The following ATP8A1 variants were observed in gnomAD, a reference collection of about 807,000 sequenced individuals.
The protein encoded by ATP8A1 is phospholipid-transporting ATPase IA.
A neutral mutation model predicts 177.7 loss-of-function variants in ATP8A1; 90 were observed. The observed-to-expected ratio is 0.51, with a 90% CI of 0.43 to 0.60. The LOEUF (loss-of-function observed/expected upper bound fraction) is 0.60, where lower values mean the gene tolerates loss of function less well. ATP8A1 is among the 20% of genes least tolerant of loss of function. ATP8A1 has a pLI of 0.00. For missense variants in ATP8A1, 1,072 were observed against 1,392.8 expected (o/e 0.77, Z 3.67); for synonymous variants, 493 against 485.9 (o/e 1.01, Z -0.19).
intron 16 of ATP8A1, among the ~76,000 whole-genome samples, chr4:42,554,795 T>A (rs1729884986): frequency 6.6e-6 from 1 of 151,716 alleles, no homozygotes; most frequent in African/African-American, 2.4e-5. Flanking sequence ...TCTGTGAGGG[T>A]GCTGCCAAAG....
chr4:42,522,248 T>G lies in ATP8A1; in HGVS notation c.1859A>C (p.Gln620Pro). ...AVAEISESDFQEWRAVYQRAS... is the reference protein window; with the variant it reads ...AVAEISESDFPEWRAVYQRAS... Reference sequence around the variant, plus strand: ...TCGCTGATAGACTGCTCGCCACTCCTGAAAGTCGCTCTCTGAAATCTCAGC... The same window carrying G: ...TCGCTGATAGACTGCTCGCCACTCCGGAAAGTCGCTCTCTGAAATCTCAGC... The change falls in exon 22 of 37, where the codon CAG becomes CCG. Residue 620 changes from glutamine (Q) to proline (P), a missense_variant. By Grantham distance (76) the Gln-to-Pro change is moderately conservative. Coordinates refer to ENST00000381668, the MANE Select transcript of ATP8A1 (RefSeq NM_006095.2). 6.2e-7 allele frequency: 1 copy of G among 1,613,788 alleles called. No individual in the cohort carries two copies. Among genetic ancestry groups the G allele is most frequent in the Non-Finnish European group, 8.5e-7 (1 of 1,179,894 alleles).
chr4:42,432,137 C>T lies in ATP8A1; in HGVS notation c.3124-8432G>A, dbSNP rs549787775. ...AATAGGCTCTTTTCTCCTCCACTTC[C>T]TTTTCTCAGTCACCCAATCTCAGTG... On this transcript the variant is annotated intron_variant, in intron 33 of 36. Transcript: ENST00000381668. Among the ~76,000 whole-genome samples the T allele has an allele frequency of 9.9e-5, 15 of 152,268 alleles. No individual in the cohort carries two copies. In the South Asian group the frequency reaches 2.9e-3, roughly 29 times the overall value.
At chr4:42,653,650 A>T (rs976277853) in intron 1 of ATP8A1, among the ~76,000 whole-genome samples, 9 of 152,216 alleles carry the variant, frequency 5.9e-5, no homozygotes, top group African/African-American at 2.2e-4. Flanking sequence ...TCCCTCCCTT[A>T]TAACGATGTG....
intron 15 of ATP8A1, among the ~76,000 whole-genome samples, chr4:42,564,922 A>G (rs1731204948): frequency 6.6e-6 from 1 of 152,130 alleles, no homozygotes; most frequent in African/African-American, 2.4e-5. Flanking sequence ...TAATTGAATC[A>G]TGGGGACAGG....
At chr4:42,634,644 T>A (rs748843962) in intron 1 of ATP8A1, among the ~76,000 whole-genome samples, 55 of 152,182 alleles carry the variant, frequency 3.6e-4, no homozygotes, top group Non-Finnish European at 7.4e-4. Context: ...TTAGACAAGA[T>A]AATTAACCTT....
chr4:42,635,376 T>G (rs944990762), intron 1 of ATP8A1, among the ~76,000 whole-genome samples: 2 of 152,074 alleles, frequency 1.3e-5, no homozygotes, highest in African/African-American at 2.4e-5. Context: ...CCTAAACATA[T>G]TTAGGAGAGT....
intron 19 of ATP8A1, 72 bp from the exon 20 acceptor site, chr4:42,544,058 C>T (rs1728657746): frequency 1.6e-6 from 2 of 1,231,766 alleles, no homozygotes; most frequent in Non-Finnish European, 2.4e-6. Flanking sequence ...TCATGCCTCA[C>T]ATATTTTGAT....
rs777712313 is a variant in ATP8A1, at chr4:42,581,017, GTAA to G, written c.834+601_834+603del. ...TCACTTATCATGACATGGACGACTTGTAATAATCACTATAATAGTTAGTAAATG... is the reference window on the plus strand; with the variant it reads ...TCACTTATCATGACATGGACGACTTGTAATCACTATAATAGTTAGTAAATG... On this transcript the variant is annotated intron_variant, in intron 10 of 36. Transcript: ENST00000381668. Among the ~76,000 whole-genome samples, 6 of 152,320 alleles carry G rather than the reference GTAA, an allele frequency of 3.9e-5. No homozygotes were observed. The East Asian group carries it at 5.8e-4, about 15-fold the overall frequency.
intron 24 of ATP8A1, among the ~76,000 whole-genome samples, chr4:42,500,571 A>T (rs1723760059): frequency 6.9e-6 from 1 of 144,062 alleles, no homozygotes; most frequent in South Asian, 2.4e-4. Flanking sequence ...TATCCATGAA[A>T]TTTTTTTCTA....
chr4:42,420,665 A>AAATG (rs1713799641), intron 35 of ATP8A1, among the ~76,000 whole-genome samples: 1 of 152,218 alleles, frequency 6.6e-6, no homozygotes, highest in Non-Finnish European at 1.5e-5. Flanking sequence ...TAACATACTT[A>AAATG]CAAATCTGGA....
At chr4:42,432,965 T>C (rs1467556676) in intron 33 of ATP8A1, among the ~76,000 whole-genome samples, 2 of 152,248 alleles carry the variant, frequency 1.3e-5, no homozygotes, top group African/African-American at 2.4e-5. Context: ...ATAGCATTTA[T>C]CACTTCCTCT....
At chr4:42,634,305 T>A (rs144034468) in intron 1 of ATP8A1, among the ~76,000 whole-genome samples, 55 of 152,342 alleles carry the variant, frequency 3.6e-4, no homozygotes, top group Non-Finnish European at 6.5e-4. Flanking sequence ...GTAGGATTTT[T>A]AAAAATCTGA....
chr4:42,442,810 C>T (rs931092917), intron 33 of ATP8A1, among the ~76,000 whole-genome samples: 4 of 152,248 alleles, frequency 2.6e-5, no homozygotes, highest in East Asian at 3.9e-4. Context: ...TGTACTGTCA[C>T]GGAGCTCACA....
chr4:42,444,879 A>G (rs1717043499), intron 31 of ATP8A1, among the ~76,000 whole-genome samples: 1 of 152,188 alleles, frequency 6.6e-6, no homozygotes, highest in African/African-American at 2.4e-5. Context: ...CCTCACCTGC[A>G]CAGCCTGACC....
chr4:42,493,825 G>A (rs1449496247), intron 24 of ATP8A1, among the ~76,000 whole-genome samples: 1 of 152,080 alleles, frequency 6.6e-6, no homozygotes, highest in Non-Finnish European at 1.5e-5. Flanking sequence ...TGAATAAAGT[G>A]CCCTGTCCAG....
At chr4:42,573,962 T>C (rs1033450766) in intron 14 of ATP8A1, among the ~76,000 whole-genome samples, 2 of 152,194 alleles carry the variant, frequency 1.3e-5, no homozygotes, top group African/African-American at 4.8e-5. Context: ...CTAGGAAATG[T>C]AGAAATTAAT....
intron 20 of ATP8A1, among the ~76,000 whole-genome samples, chr4:42,529,035 G>A (rs1726992244): frequency 6.6e-6 from 1 of 152,126 alleles, no homozygotes; most frequent in South Asian, 2.1e-4. Context: ...GATTTTGGAG[G>A]CATCACATTC....
At position 42,409,420 on chromosome 4, in the gene ATP8A1, T is replaced by C. The variant is rs946593937; in HGVS notation, c.*3496A>G. ...TGAGAAAAATCAGACTATGGTATCT[T>C]ACGAGTCATTATAGAAATGTTCATC... is the stretch of plus-strand genomic sequence containing the variant. On this transcript the variant is annotated 3_prime_UTR_variant, in exon 37 of 37. Transcript: ENST00000381668. 3.9e-5 allele frequency: 6 copies of C among 152,256 alleles called. No homozygotes were observed. The East Asian group carries it at 1.2e-3, about 29-fold the overall frequency. 9.4% of individuals were successfully genotyped at this position (152,256 alleles called of 1,614,324 possible).
At chr4:42,633,384 C>T (rs1318462117) in intron 1 of ATP8A1, among the ~76,000 whole-genome samples, 1 of 152,160 alleles carries the variant, frequency 6.6e-6, no homozygotes. Flanking sequence ...CATTTTTCAT[C>T]CGAAATATCA....
Sources: allele counts gnomAD v4.1 joint callset (sites outside exome capture counted in the v4.1 genomes callset), GRCh38; gene constraint gnomAD v4.1.1; transcripts MANE v1.5; gene names NCBI Gene and HGNC (gene_info 2026-07-23, HGNC 2026-07-21).